RIMBP2: variants seen among roughly 807,000 people sequenced by gnomAD.
RIMBP2 encodes RIMS-binding protein 2.
In RIMBP2, 48 loss-of-function variants were observed where a neutral mutation model predicts 118.6. The observed-to-expected ratio is 0.40, with a 90% CI of 0.32 to 0.51. RIMBP2 has a LOEUF of 0.51. Among genes scored for constraint, RIMBP2 ranks in the 20% least tolerant of loss-of-function variants. RIMBP2 has a pLI of 0.41. For missense variants in RIMBP2, 1,551 were observed against 1,768.3 expected (o/e 0.88, Z 2.20); for synonymous variants, 762 against 742.9 (o/e 1.03, Z -0.42).
At chr12:130,706,953 T>G (rs75449033) in intron 1 of RIMBP2, among the ~76,000 whole-genome samples, 9,716 of 152,178 alleles carry the variant, frequency 0.064, 1,040 homozygotes, top group African/African-American at 0.22. Flanking sequence ...AGACCCACCT[T>G]CCCAGCCCTA....
rs11613615 is a variant in RIMBP2 at position 130,617,590 on chromosome 12, G to A, written c.-217+10732C>T. Among the ~76,000 whole-genome samples, 22,537 of 152,196 alleles carry A rather than the reference G, an allele frequency of 0.15. 1,736 individuals carry two copies. The highest frequency in any genetic ancestry group is 0.18 in the African/African-American group (7,386 of 41,520). ...GAGGTATTGAGAAGGGCCTGGAGGC[G>A]GCCTTTCCTTTAGCAAAGGTGGGCT... On this transcript the variant is annotated intron_variant, in intron 2 of 22. Coordinates refer to ENST00000690449, the MANE Select transcript of RIMBP2 (RefSeq NM_001393629.1). This position sits in a 1 kb window ranked among gnomAD's most constrained non-coding sequence, Gnocchi z 4.6.
rs1438348192 is a variant in RIMBP2 at position 130,447,562 on chromosome 12, T to C, written c.582-2293A>G. ...GAGACGAGGGACAGGTGATCACTGA[T>C]GGGAATGGGTTCTTGAGGGGCGATG... On this transcript the variant is annotated intron_variant, in intron 9 of 22. Coordinates refer to ENST00000690449, the MANE Select transcript of RIMBP2 (RefSeq NM_001393629.1). This position sits in a 1 kb window ranked among gnomAD's most constrained non-coding sequence, Gnocchi z 4.4. Among the ~76,000 whole-genome samples the C allele has an allele frequency of 6.6e-6, 1 of 151,996 alleles. No individual in the cohort carries two copies. The highest frequency in any genetic ancestry group is 6.5e-5 in the Admixed American group (1 of 15,272).
At chr12:130,432,510 A>AC (rs878950496) in intron 14 of RIMBP2, among the ~76,000 whole-genome samples, 2 of 152,102 alleles carry the variant, frequency 1.3e-5, no homozygotes, top group South Asian at 4.2e-4. Context: ...TGAAACCTTA[A>AC]CCCCCAGTGT....
chr12:130,659,135 C>CCA (rs2063547196), intron 1 of RIMBP2, among the ~76,000 whole-genome samples: 1 of 152,148 alleles, frequency 6.6e-6, no homozygotes, highest in Non-Finnish European at 1.5e-5. Flanking sequence ...AGAGAAACAC[C>CCA]GTGTCAGCCA....
intron 2 of RIMBP2, among the ~76,000 whole-genome samples, chr12:130,556,520 G>C (rs1486756462): frequency 6.6e-6 from 1 of 152,264 alleles, no homozygotes; most frequent in South Asian, 2.1e-4. Flanking sequence ...CAGAATTAAA[G>C]TCCAGCCAGG....
At position 130,480,722 on chromosome 12, in the gene RIMBP2, T is replaced by A. The variant is rs557879333; in HGVS notation, c.-3-1706A>T. ...TTCAAGCTACTCTCGTGCTTCAGCCTCCCTAGTAGCTGGGATTACAGGTGC... is the reference window on the plus strand; with the variant it reads ...TTCAAGCTACTCTCGTGCTTCAGCCACCCTAGTAGCTGGGATTACAGGTGC... On this transcript the variant is annotated intron_variant, in intron 4 of 22. Transcript: ENST00000690449. 7.9e-5 allele frequency among the ~76,000 whole-genome samples: 12 copies of A among 152,274 alleles called. No individual in the cohort carries two copies. The East Asian group carries it at 2.1e-3, about 27-fold the overall frequency.
rs756596786 is a variant in RIMBP2, at chr12:130,442,927, G to C, written c.692-267C>G. ...CCATCATGTTTGTGTATCCGTGTACGTACACTGACTACCCCCTCCCAACAC... is the reference window on the plus strand; with the variant it reads ...CCATCATGTTTGTGTATCCGTGTACCTACACTGACTACCCCCTCCCAACAC... On this transcript the variant is annotated intron_variant, in intron 10 of 22. Coordinates refer to ENST00000690449, the MANE Select transcript of RIMBP2 (RefSeq NM_001393629.1). The surrounding 1 kb of genome is among the most constrained non-coding windows in gnomAD (Gnocchi z 6.9). Among the ~76,000 whole-genome samples the C allele has an allele frequency of 2.0e-4, 30 of 152,078 alleles. No homozygotes were observed. Among genetic ancestry groups the C allele is most frequent in the Non-Finnish European group, 4.0e-4 (27 of 68,030 alleles).
At chr12:130,572,453 C>T (rs185367948) in intron 2 of RIMBP2, among the ~76,000 whole-genome samples, 2 of 152,166 alleles carry the variant, frequency 1.3e-5, no homozygotes, top group Non-Finnish European at 1.5e-5. Flanking sequence ...CACTCGGCTC[C>T]CTGGGCCTGA....
chr12:130,578,972 C>T lies in RIMBP2; in HGVS notation c.-217+49350G>A, dbSNP rs1303309934. 6.6e-6 allele frequency among the ~76,000 whole-genome samples: 1 copy of T among 152,108 alleles called. No individual in the cohort carries two copies. The highest frequency in any genetic ancestry group is 2.4e-5 in the African/African-American group (1 of 41,396). ...GGATTAAAAAAAGATGAGAAGTTGT[C>T]TCACATCCATTGGTTCAGATTTCAA... On this transcript the variant is annotated intron_variant, in intron 2 of 22. Coordinates refer to ENST00000690449, the MANE Select transcript of RIMBP2 (RefSeq NM_001393629.1). The surrounding 1 kb of genome is among the most constrained non-coding windows in gnomAD (Gnocchi z 4.1).
At chr12:130,599,395 A>G (rs185002056) in intron 2 of RIMBP2, among the ~76,000 whole-genome samples, 50 of 152,348 alleles carry the variant, frequency 3.3e-4, no homozygotes, top group African/African-American at 1.1e-3. Flanking sequence ...CAGATTATAC[A>G]AAGAATTTTC....
At chr12:130,591,006 T>C (rs1235547552) in intron 2 of RIMBP2, among the ~76,000 whole-genome samples, 1 of 152,232 alleles carries the variant, frequency 6.6e-6, no homozygotes, top group Non-Finnish European at 1.5e-5. Context: ...GCAACGCACT[T>C]GGACTTCAAG....
chr12:130,682,615 T>C (rs575692685), intron 1 of RIMBP2, among the ~76,000 whole-genome samples: 9 of 152,368 alleles, frequency 5.9e-5, no homozygotes, highest in Admixed American at 3.9e-4. Context: ...AACTTGATCT[T>C]CCAAAAAATT....
chr12:130,577,913 G>A (rs1159539970), intron 2 of RIMBP2, among the ~76,000 whole-genome samples: 3 of 152,104 alleles, frequency 2.0e-5, no homozygotes, highest in Non-Finnish European at 4.4e-5. Context: ...GTGGTATACA[G>A]GTAACTATAT....
intron 14 of RIMBP2, chr12:130,429,734 T>C (rs1337222963): frequency 6.6e-6 from 1 of 152,156 alleles, no homozygotes; most frequent in African/African-American, 2.4e-5. Flanking sequence ...TGAGGGAAGC[T>C]GCGTGGGGCT....
At chr12:130,493,368 G>A (rs1271050650) in intron 4 of RIMBP2, among the ~76,000 whole-genome samples, 1 of 152,032 alleles carries the variant, frequency 6.6e-6, no homozygotes, top group Non-Finnish European at 1.5e-5. Context: ...AGGCTGGAGT[G>A]CAATGGCGTG....
rs577784934 is a variant in RIMBP2 at position 130,479,687 on chromosome 12, G to A, written c.-3-671C>T. On this transcript the variant is annotated intron_variant, in intron 4 of 22. Transcript: ENST00000690449. ...CCTGACTGCCGACTCCAGTGAACCA[G>A]CGCACTCAGACCCAGGAGTCCAAAT... 3.9e-5 allele frequency among the ~76,000 whole-genome samples: 6 copies of A among 152,154 alleles called. No individual in the cohort carries two copies. The South Asian group carries it at 1.2e-3, about 32-fold the overall frequency.
At chr12:130,616,642 G>A (rs2060952302) in intron 2 of RIMBP2, among the ~76,000 whole-genome samples, 1 of 152,200 alleles carries the variant, frequency 6.6e-6, no homozygotes, top group Admixed American at 6.5e-5. Context: ...ATGAGATAGA[G>A]GTTACGGAAT....
chr12:130,635,219 A>G (rs1315510147), intron 1 of RIMBP2, among the ~76,000 whole-genome samples: 1 of 152,178 alleles, frequency 6.6e-6, no homozygotes, highest in Non-Finnish European at 1.5e-5. Flanking sequence ...TTACTGCTGT[A>G]GAAAAACCAC....
At chr12:130,468,089 G>T (rs2080666357) in intron 6 of RIMBP2, among the ~76,000 whole-genome samples, 1 of 152,180 alleles carries the variant, frequency 6.6e-6, no homozygotes, top group South Asian at 2.1e-4. Flanking sequence ...ACCTAGACAT[G>T]AAACCCCCAC....
Sources: gnomAD v4.1 joint callset for allele counts (sites outside exome capture counted in the v4.1 genomes callset) on GRCh38, gnomAD v4.1.1 for gene constraint, Gnocchi (gnomAD v3.1) non-coding constraint, MANE v1.5 for transcripts, NCBI Gene and HGNC (gene_info 2026-07-23, HGNC 2026-07-21) for gene names.